DCC: variants seen among roughly 807,000 people sequenced by gnomAD.
DCC encodes DCC netrin 1 receptor, also known as netrin receptor DCC.
A neutral mutation model predicts 172.5 loss-of-function variants in DCC; 58 were observed. The ratio of observed to expected loss-of-function variants is 0.34; its 90% CI spans 0.27 to 0.42. The LOEUF (loss-of-function observed/expected upper bound fraction) is 0.42, where lower values mean the gene tolerates loss of function less well. DCC is among the 10% of genes least tolerant of loss of function. DCC has a pLI of 1.00. For synonymous variants in DCC, 709 were observed against 644.5 expected, an observed-to-expected ratio of 1.10 and a Z score of -1.52; for missense variants, 1,740 against 1,791.0, an observed-to-expected ratio of 0.97 and a Z score of 0.51.
intron 1 of DCC, among the ~76,000 whole-genome samples, chr18:52,388,466 T>C (rs1985903442): frequency 6.6e-6 from 1 of 152,104 alleles, no homozygotes; most frequent in East Asian, 1.9e-4. Context: ...TGGTTGCAAA[T>C]TAAACTACTA....
chr18:52,708,114 T>C lies in DCC; in HGVS notation c.92-43940T>C, dbSNP rs1174635581. On this transcript the variant is annotated intron_variant, in intron 1 of 28. Coordinates refer to ENST00000442544, the MANE Select transcript of DCC (RefSeq NM_005215.4). The stretch of plus-strand genomic sequence containing the variant: ...AACATCATGTTGTATGCCATAAACA[T>C]ATACAACTTTTATTTGTCAATTTAA... 2.6e-5 allele frequency among the ~76,000 whole-genome samples: 4 copies of C among 152,144 alleles called. No homozygotes were observed. In the East Asian group the frequency reaches 7.7e-4, roughly 29 times the overall value.
chr18:52,624,962 C>T (rs1473613513), intron 1 of DCC, among the ~76,000 whole-genome samples: 1 of 152,090 alleles, frequency 6.6e-6, no homozygotes, highest in Non-Finnish European at 1.5e-5. Context: ...GTTGTGTAAA[C>T]ATCATAGAGT....
intron 1 of DCC, among the ~76,000 whole-genome samples, chr18:52,403,605 C>T (rs1313878023): frequency 6.6e-6 from 1 of 151,908 alleles, no homozygotes; most frequent in Admixed American, 6.6e-5. Flanking sequence ...ATATTGTTCA[C>T]TAGATTCTAT....
In DCC at chr18:52,485,032, C is replaced by T. The variant is rs576477753; in HGVS notation, c.91+144154C>T. Among the ~76,000 whole-genome samples, 93 of 152,166 alleles carry T rather than the reference C, an allele frequency of 6.1e-4. 1 individual carries two copies. The highest frequency in any genetic ancestry group is 2.2e-3 in the African/African-American group (92 of 41,540). On this transcript the variant is annotated intron_variant, in intron 1 of 28. Transcript: ENST00000442544. ...CTAAATTCTGTGAATTGATATGATA[C>T]TTTTGTCTTCTTGCCTTTAAGACTT...
chr18:52,514,161 A>G (rs2031542238), intron 1 of DCC, among the ~76,000 whole-genome samples: 1 of 152,162 alleles, frequency 6.6e-6, no homozygotes, highest in African/African-American at 2.4e-5. Flanking sequence ...GTATATATAT[A>G]TAATGTATGT....
intron 2 of DCC, among the ~76,000 whole-genome samples, chr18:52,774,542 T>C (rs897353195): frequency 3.3e-5 from 5 of 152,320 alleles, no homozygotes; most frequent in African/African-American, 9.6e-5. Flanking sequence ...AAAAACTGAG[T>C]AGACTGGAGA....
At chr18:53,104,008 A>G (rs1364752232) in intron 7 of DCC, among the ~76,000 whole-genome samples, 1 of 152,046 alleles carries the variant, frequency 6.6e-6, no homozygotes, top group East Asian at 1.9e-4. Flanking sequence ...TTAACACAAT[A>G]ATTTTTAAAA....
intron 5 of DCC, chr18:52,965,151 C>T (rs968287482): frequency 6.6e-6 from 1 of 152,030 alleles, no homozygotes; most frequent in Non-Finnish European, 1.5e-5. Context: ...GTGCAGATTC[C>T]AGGGATTAAG....
chr18:52,536,415 C>A (rs1022159456), intron 1 of DCC, among the ~76,000 whole-genome samples: 2 of 152,082 alleles, frequency 1.3e-5, no homozygotes, highest in African/African-American at 2.4e-5. Flanking sequence ...CAAAAAAGGA[C>A]TTTTAGAGAT....
rs1425260203 is a variant in DCC, at chr18:52,340,556, C to T, written c.-232C>T. On this transcript the variant is annotated 5_prime_UTR_variant, in exon 1 of 29. Coordinates refer to ENST00000442544, the MANE Select transcript of DCC (RefSeq NM_005215.4). ...TCGGGATCTCTTGGACCGAATGGAA[C>T]TTTTTGCTGCCTGCTTTTGCTGCTG... 4.9e-6 allele frequency: 3 copies of T among 607,320 alleles called. No homozygotes were observed. Among genetic ancestry groups the T allele is most frequent in the Non-Finnish European group, 8.9e-6 (3 of 338,716 alleles). The allele number at this position is 607,320 out of a possible 1,614,324, so 37.6% of individuals were successfully genotyped here. A position where few individuals can be genotyped will look rare whatever the true frequency, so the allele number is the denominator to read the frequency against.
chr18:53,009,361 T>C (rs1221582186), intron 5 of DCC, among the ~76,000 whole-genome samples: 1 of 151,986 alleles, frequency 6.6e-6, no homozygotes, highest in Non-Finnish European at 1.5e-5. Context: ...TTAGTCATTA[T>C]ATTAAATTTT....
intron 1 of DCC, among the ~76,000 whole-genome samples, chr18:52,718,986 A>G (rs2036432374): frequency 6.6e-6 from 1 of 152,132 alleles, no homozygotes; most frequent in South Asian, 2.1e-4. Flanking sequence ...CAGCAGGTCC[A>G]TTTTCCCTCT....
At chr18:53,492,479 T>C (rs140416609) in intron 26 of DCC, among the ~76,000 whole-genome samples, 4 of 152,338 alleles carry the variant, frequency 2.6e-5, no homozygotes, top group African/African-American at 9.6e-5. Context: ...AGTTAATTTT[T>C]GTATAAGGTG....
At chr18:52,976,795 C>T (rs2041125978) in intron 5 of DCC, among the ~76,000 whole-genome samples, 1 of 152,156 alleles carries the variant, frequency 6.6e-6, no homozygotes, top group Non-Finnish European at 1.5e-5. Flanking sequence ...GGGATAATAG[C>T]CACCATCTGT....
rs1158677212 is a variant in DCC, at chr18:52,405,458, C to G, written c.91+64580C>G. Among the ~76,000 whole-genome samples, 11 of 149,206 alleles carry G rather than the reference C, an allele frequency of 7.4e-5. No individual in the cohort carries two copies. The East Asian group carries it at 1.4e-3, about 19-fold the overall frequency. On this transcript the variant is annotated intron_variant, in intron 1 of 28. Coordinates refer to ENST00000442544, the MANE Select transcript of DCC (RefSeq NM_005215.4). ...ATGTGTTTTTTGGCTGCATAAATGT[C>G]TTCTTTTGAGAAGTGTCTGTTCATG...
At chr18:52,720,771 A>G (rs1685956504) in intron 1 of DCC, among the ~76,000 whole-genome samples, 1 of 152,164 alleles carries the variant, frequency 6.6e-6, no homozygotes, top group Non-Finnish European at 1.5e-5. Context: ...TGTGGTTACC[A>G]ATTCTGTACT....
intron 5 of DCC, among the ~76,000 whole-genome samples, chr18:53,050,364 G>T (rs965409440): frequency 1.3e-5 from 2 of 152,050 alleles, no homozygotes; most frequent in Admixed American, 6.6e-5. Context: ...TCCATCGTGG[G>T]CAATATGGCC....
At chr18:53,351,407 A>G (rs1443130651) in intron 15 of DCC, among the ~76,000 whole-genome samples, 1 of 19,146 alleles carries the variant, frequency 5.2e-5, no homozygotes, top group African/African-American at 2.4e-4. Flanking sequence ...CAGTGTATAT[A>G]TATATATATA....
chr18:52,623,908 A>G (rs2034525849), intron 1 of DCC, among the ~76,000 whole-genome samples: 1 of 152,210 alleles, frequency 6.6e-6, no homozygotes, highest in Non-Finnish European at 1.5e-5. Flanking sequence ...TCAGCAATGC[A>G]CATGTGTGTA....
Sources: gnomAD v4.1 joint callset for allele counts (sites outside exome capture counted in the v4.1 genomes callset) on GRCh38, gnomAD v4.1.1 for gene constraint, MANE v1.5 for transcripts, NCBI Gene and HGNC (gene_info 2026-07-23, HGNC 2026-07-21) for gene names.